PCLO: variants seen among roughly 807,000 people sequenced by gnomAD.
PCLO encodes the protein protein piccolo.
PCLO carries 82 observed loss-of-function variants against 427.5 expected under a neutral mutation model. The observed-to-expected ratio is 0.19, with a 90% CI of 0.16 to 0.23. PCLO has a LOEUF of 0.23. Ranked by LOEUF, PCLO falls within the 10% of genes least tolerant of loss-of-function variation. PCLO has a pLI of 1.00. For synonymous variants in PCLO, 2,357 were observed against 2,155.4 expected (o/e 1.09, Z -2.59); for missense variants, 6,239 against 6,115.9 (o/e 1.02, Z -0.67).
chr7:82,914,458 T>G (rs374258324), intron 7 of PCLO: 45 of 608,914 alleles, frequency 7.4e-5, no homozygotes, highest in East Asian at 2.2e-4. Context: ...AAGCAAACAA[T>G]CAAGAAACAG....
In PCLO at chr7:83,162,729, G is replaced by T. The variant is rs537870863; in HGVS notation, c.-137C>A. 1.4e-5 allele frequency: 16 copies of T among 1,144,670 alleles called. No homozygotes were observed. The highest frequency in any genetic ancestry group is 1.8e-5 in the Non-Finnish European group (15 of 837,376). 70.9% of individuals were successfully genotyped at this position (1,144,670 alleles called of 1,614,324 possible). ...AGCCGAGTCCCTGGACTCTGGACCAGGCACTGCCGCCCGGAACGCCAGGCA... is the reference window on the plus strand; with the variant it reads ...AGCCGAGTCCCTGGACTCTGGACCATGCACTGCCGCCCGGAACGCCAGGCA... On this transcript the variant is annotated 5_prime_UTR_variant, in exon 1 of 25. It adds an upstream start codon to the 5' untranslated region. Coordinates refer to ENST00000333891, the MANE Select transcript of PCLO (RefSeq NM_033026.6).
intron 22 of PCLO, among the ~76,000 whole-genome samples, chr7:82,770,428 TA>T (rs1317012516): frequency 6.6e-6 from 1 of 152,020 alleles, no homozygotes; most frequent in Non-Finnish European, 1.5e-5. Flanking sequence ...GGAAGACCAT[TA>T]GAAGCACTTG....
intron 22 of PCLO, among the ~76,000 whole-genome samples, chr7:82,778,093 A>G (rs1790791691): frequency 6.6e-6 from 1 of 152,204 alleles, no homozygotes; most frequent in South Asian, 2.1e-4. Context: ...ACCCCATTAA[A>G]AAGTGAGAAA....
intron 3 of PCLO, among the ~76,000 whole-genome samples, chr7:83,034,626 C>G (rs1161042298): frequency 6.6e-6 from 1 of 152,238 alleles, no homozygotes; most frequent in Non-Finnish European, 1.5e-5. Flanking sequence ...CCAAGTCTCT[C>G]ACATATTGGA....
At chr7:82,801,408 T>C (rs532165390) in intron 22 of PCLO, 110 bp downstream of exon 22, 7 of 620,904 alleles carry the variant, frequency 1.1e-5, no homozygotes, top group Admixed American at 2.9e-5. Flanking sequence ...CCTATTGCTT[T>C]TGCCATTAGT....
chr7:82,759,790 C>A (rs904436671), intron 24 of PCLO, among the ~76,000 whole-genome samples: 1 of 151,780 alleles, frequency 6.6e-6, no homozygotes, highest in Non-Finnish European at 1.5e-5. Flanking sequence ...TCTATATCTA[C>A]TAAAGACGTA....
chr7:83,162,550 C>A lies in PCLO; in HGVS notation c.43G>T (p.Gly15Trp). The A allele has an allele frequency of 6.4e-7, 1 of 1,552,254 alleles. No homozygotes were observed. The highest frequency in any genetic ancestry group is 8.7e-7 in the Non-Finnish European group (1 of 1,149,346). The change falls in exon 1 of 25, where the codon GGG becomes TGG. Residue 15 changes from glycine (G) to tryptophan (W), a missense_variant. Physicochemically the swap from Gly to Trp is radical, Grantham distance 184 (BLOSUM62 -2). Around this residue, in one of 5 missense-constraint regions of PCLO, gnomAD observed 4,677 missense variants for 4,468.4 expected, o/e 1.05. Coordinates refer to ENST00000333891, the MANE Select transcript of PCLO (RefSeq NM_033026.6). ...ASLEGEGLPE[G>W]LAAAAAAGGG... ...CCAGCCGCTGCGGCCGCCGCCAGCC[C>A]TTCGGGGAGCCCTTCCCCTTCCAAG...
rs1223089934 is a variant in PCLO at position 82,776,854 on chromosome 7, ATATATG to A, written c.15008-15367_15008-15362del. ...TATATATACACACACACATATACAC[ATATATG>A]TATATGTATAGATATACATATATGT... On this transcript the variant is annotated intron_variant, in intron 22 of 24. Transcript: ENST00000333891. Among the ~76,000 whole-genome samples, 4 of 151,680 alleles carry A rather than the reference ATATATG, an allele frequency of 2.6e-5. No homozygotes were observed. In the East Asian group the frequency reaches 7.8e-4, roughly 29 times the overall value.
intron 3 of PCLO, among the ~76,000 whole-genome samples, chr7:83,132,670 C>T (rs1455799462): frequency 6.6e-6 from 1 of 152,036 alleles, no homozygotes; most frequent in Non-Finnish European, 1.5e-5. Flanking sequence ...TAGTGCTCAA[C>T]TCATACTACA....
intron 3 of PCLO, among the ~76,000 whole-genome samples, chr7:83,126,639 G>A (rs1791446233): frequency 6.6e-6 from 1 of 151,780 alleles, no homozygotes; most frequent in Non-Finnish European, 1.5e-5. Context: ...TGACAGATAA[G>A]GGAAAATCAT....
chr7:83,050,237 A>C (rs1424734328), intron 3 of PCLO, among the ~76,000 whole-genome samples: 2 of 79,698 alleles, frequency 2.5e-5, no homozygotes, highest in African/African-American at 5.5e-5. Flanking sequence ...AAAAAAAAAA[A>C]CACAAGCAAA....
At chr7:82,932,670 A>C (rs1176378461) in intron 6 of PCLO, among the ~76,000 whole-genome samples, 2 of 152,120 alleles carry the variant, frequency 1.3e-5, no homozygotes, top group South Asian at 2.1e-4. Context: ...ATCCTCACAG[A>C]TGTTGAAGTC....
At chr7:83,038,139 ACT>A (rs1462378153) in intron 3 of PCLO, among the ~76,000 whole-genome samples, 1 of 129,108 alleles carries the variant, frequency 7.7e-6, no homozygotes, top group African/African-American at 2.9e-5. Context: ...ACATACACAC[ACT>A]CATATATACA....
intron 10 of PCLO, among the ~76,000 whole-genome samples, chr7:82,848,304 G>GCTT (rs1554340492): frequency 2.4e-5 from 2 of 83,878 alleles, no homozygotes; most frequent in Non-Finnish European, 4.5e-5. Context: ...CCATTAGTTA[G>GCTT]TTTTTTTTTT....
intron 10 of PCLO, chr7:82,868,111 TA>T (rs1562827281): frequency 2.2e-6 from 1 of 456,540 alleles, no homozygotes; most frequent in South Asian, 1.5e-5. Context: ...CCGTACCTGG[TA>T]ATCCCCCTGG....
At chr7:83,126,063 T>C (rs1302164473) in intron 3 of PCLO, among the ~76,000 whole-genome samples, 1 of 152,084 alleles carries the variant, frequency 6.6e-6, no homozygotes, top group Non-Finnish European at 1.5e-5. Context: ...AAGAATGAAA[T>C]TCTGTCACTT....
intron 8 of PCLO, among the ~76,000 whole-genome samples, chr7:82,906,946 T>G (rs1794207112): frequency 6.6e-6 from 1 of 152,002 alleles, no homozygotes; most frequent in Non-Finnish European, 1.5e-5. Context: ...TTCTCAAAAA[T>G]ATGTTCTCTG....
rs1389234959 is a variant in PCLO, at chr7:82,956,503, G to T, written c.4450C>A (p.Gln1484Lys). The T allele has an allele frequency of 1.2e-6, 2 of 1,613,112 alleles. No individual in the cohort carries two copies. The highest frequency in any genetic ancestry group is 1.7e-6 in the Non-Finnish European group (2 of 1,179,712). Residue 1484 changes from glutamine to lysine, a missense_variant, in exon 5 of 25, where the codon CAA becomes AAA. By Grantham distance (53) the Gln-to-Lys change is moderately conservative. Transcript: ENST00000333891. ...ERKDTFKKDS[Q>K]QDIPSSKDHK... ...TCCTTGCTGGAAGGAATATCTTGTTGGCTATCTTTTTTAAAAGTGTCTTTC... is the reference window on the plus strand; with the variant it reads ...TCCTTGCTGGAAGGAATATCTTGTTTGCTATCTTTTTTAAAAGTGTCTTTC...
At position 82,952,457 on chromosome 7, in the gene PCLO, A is replaced by G. The variant is rs1461175559; in HGVS notation, c.8496T>C (p.Ala2832=). Residue 2832 remains alanine, a synonymous_variant, in exon 5 of 25, where the codon GCT becomes GCC. Transcript: ENST00000333891. ...CACTTGGTATCCTGTATGGGGGCTCAGCATGCTTTGATGTTGTAAGTTGGA... is the reference window on the plus strand; with the variant it reads ...CACTTGGTATCCTGTATGGGGGCTCGGCATGCTTTGATGTTGTAAGTTGGA... The part of the protein sequence containing the change: ...TPLQLTTSKH[A]EPPYRIPSDQ... 1 of 1,613,930 alleles carries G rather than the reference A, an allele frequency of 6.2e-7. No individual in the cohort carries two copies. The highest frequency in any genetic ancestry group is 1.1e-5 in the South Asian group (1 of 91,088).
Sources: allele counts gnomAD v4.1 joint callset (sites outside exome capture counted in the v4.1 genomes callset), GRCh38; gene constraint gnomAD v4.1.1; regional missense constraint gnomAD v4.1.1; transcripts MANE v1.5; gene names NCBI Gene and HGNC (gene_info 2026-07-23, HGNC 2026-07-21).